ASCC1: variants seen among roughly 807,000 people sequenced by gnomAD.
The protein encoded by ASCC1 is ASC-1 complex subunit P50.
In ASCC1, 35 loss-of-function variants were observed where a neutral mutation model predicts 46.6. That is an observed-to-expected ratio of 0.75 (90% CI 0.57 to 0.99). The LOEUF is 0.99. Among genes scored for constraint, ASCC1 ranks in the 50% least tolerant of loss-of-function variants. The pLI is 0.00. For missense variants in ASCC1, 376 were observed against 428.7 expected (o/e 0.88, Z 1.09); for synonymous variants, 143 against 146.6 (o/e 0.98, Z 0.18).
At chr10:72,172,773 ATT>A (rs71482507) in intron 5 of ASCC1, among the ~76,000 whole-genome samples, 4 of 132,694 alleles carry the variant, frequency 3.0e-5, no homozygotes, top group South Asian at 2.2e-4. Flanking sequence ...TATATATTAT[ATT>A]TTTTATATTA....
At chr10:72,135,377 G>C (rs962371584) in intron 7 of ASCC1, among the ~76,000 whole-genome samples, 1 of 152,196 alleles carries the variant, frequency 6.6e-6, no homozygotes, top group Non-Finnish European at 1.5e-5. Flanking sequence ...ATGTTAAGTA[G>C]AGTGATCAGG....
intron 9 of ASCC1, among the ~76,000 whole-genome samples, chr10:72,118,609 G>A (rs147154239): frequency 6.6e-5 from 10 of 151,086 alleles, no homozygotes; most frequent in East Asian, 6.0e-4. Flanking sequence ...GTGAAACCCC[G>A]TCTCTACTAA....
At chr10:72,191,465 T>C (rs1248781551) in intron 5 of ASCC1, among the ~76,000 whole-genome samples, 1 of 151,708 alleles carries the variant, frequency 6.6e-6, no homozygotes, top group Non-Finnish European at 1.5e-5. Context: ...GTATAATAGG[T>C]TTAAAATAAA....
chr10:72,164,147 G>T (rs12260679), intron 5 of ASCC1, among the ~76,000 whole-genome samples: 4,311 of 151,946 alleles, frequency 0.028, 236 homozygotes, highest in African/African-American at 0.098. Flanking sequence ...ATTTTTTGTA[G>T]ACAGGGTTTT....
At chr10:72,130,863 G>A (rs181673939) in intron 8 of ASCC1, among the ~76,000 whole-genome samples, 33 of 152,192 alleles carry the variant, frequency 2.2e-4, no homozygotes, top group African/African-American at 7.0e-4. Context: ...ATCACAGACC[G>A]TTTTCTTAAT....
chr10:72,204,434 G>A, intron 3 of ASCC1: 1 of 1,550,364 alleles, frequency 6.5e-7, no homozygotes. Context: ...GGACTTCCAA[G>A]TATAAATATT....
At chr10:72,157,084 G>T (rs1849070894) in intron 6 of ASCC1, among the ~76,000 whole-genome samples, 1 of 152,164 alleles carries the variant, frequency 6.6e-6, no homozygotes, top group African/African-American at 2.4e-5. Flanking sequence ...TTGGGTTACA[G>T]GCATGAGCCA....
chr10:72,169,937 T>C (rs1204010068), intron 5 of ASCC1, among the ~76,000 whole-genome samples: 1 of 152,104 alleles, frequency 6.6e-6, no homozygotes, highest in Non-Finnish European at 1.5e-5. Flanking sequence ...CTGGCCAACA[T>C]GGTGAAACCC....
At chr10:72,164,618 A>G (rs1185762107) in intron 5 of ASCC1, among the ~76,000 whole-genome samples, 1 of 152,242 alleles carries the variant, frequency 6.6e-6, no homozygotes. Flanking sequence ...CTGTGTTAAC[A>G]TATGTTTTCA....
intron 7 of ASCC1, among the ~76,000 whole-genome samples, chr10:72,138,138 T>C (rs1305147172): frequency 5.3e-5 from 8 of 152,364 alleles, no homozygotes; most frequent in African/African-American, 1.2e-4. Flanking sequence ...GTGTTGGGAT[T>C]ACAGGCGTGA....
chr10:72,201,721 T>C (rs1317572455), intron 4 of ASCC1, among the ~76,000 whole-genome samples: 1 of 152,062 alleles, frequency 6.6e-6, no homozygotes, highest in Non-Finnish European at 1.5e-5. Flanking sequence ...GCAGATCGCT[T>C]GAGCTCAGGA....
chr10:72,186,889 G>C (rs1853530065), intron 5 of ASCC1, among the ~76,000 whole-genome samples: 2 of 139,734 alleles, frequency 1.4e-5, no homozygotes, highest in South Asian at 4.5e-4. Flanking sequence ...TTCCCTGTCA[G>C]CCATGTCAGC....
chr10:72,208,448 T>G (rs1857536914), intron 3 of ASCC1, among the ~76,000 whole-genome samples: 1 of 152,112 alleles, frequency 6.6e-6, no homozygotes, highest in Non-Finnish European at 1.5e-5. Flanking sequence ...TTCAGAATGC[T>G]ATCAAGGTGG....
intron 5 of ASCC1, among the ~76,000 whole-genome samples, chr10:72,192,776 G>A (rs937756323): frequency 6.6e-6 from 1 of 152,216 alleles, no homozygotes; most frequent in Non-Finnish European, 1.5e-5. Context: ...TCACAGGCAT[G>A]GGGCACTGCC....
At chr10:72,128,716 C>CA (rs1262154779) in intron 8 of ASCC1, among the ~76,000 whole-genome samples, 2 of 152,186 alleles carry the variant, frequency 1.3e-5, no homozygotes, top group African/African-American at 4.8e-5. Flanking sequence ...TGCAGCAAAT[C>CA]TATGACCTTA....
At chr10:72,176,924 C>A (rs1476620521) in intron 5 of ASCC1, among the ~76,000 whole-genome samples, 1 of 151,916 alleles carries the variant, frequency 6.6e-6, no homozygotes, top group East Asian at 1.9e-4. Context: ...CTTATCAAGC[C>A]TTCTGCAACC....
At chr10:72,104,603 T>C (rs1842141792) in intron 9 of ASCC1, among the ~76,000 whole-genome samples, 1 of 152,170 alleles carries the variant, frequency 6.6e-6, no homozygotes, top group Non-Finnish European at 1.5e-5. Context: ...CTGAATCATG[T>C]TGAATTTTTT....
rs1233992708 is a variant in ASCC1, at chr10:72,096,745, C to T, written c.*589G>A. On this transcript the variant is annotated 3_prime_UTR_variant, in exon 10 of 10. Coordinates refer to ENST00000672957, the MANE Select transcript of ASCC1 (RefSeq NM_001198800.3). ...TATATGTATAATACAGGAAGGAAAT[C>T]CTGTCACCTGACACAACATGGATGA... is the stretch of plus-strand genomic sequence containing the variant. 1 of 454,104 alleles carries T rather than the reference C, an allele frequency of 2.2e-6. No individual in the cohort carries two copies. The highest frequency in any genetic ancestry group is 2.3e-5 in the Admixed American group (1 of 42,576). The allele number at this position is 454,104 out of a possible 1,614,324, so 28.1% of individuals were successfully genotyped here.
intron 3 of ASCC1, among the ~76,000 whole-genome samples, chr10:72,205,611 CA>C (rs1857091742): frequency 7.7e-6 from 1 of 129,066 alleles, no homozygotes; most frequent in Admixed American, 8.6e-5. Flanking sequence ...GCCTGGGTGA[CA>C]AGAGTGAAAC....
Sources: gnomAD v4.1 joint callset for allele counts (sites outside exome capture counted in the v4.1 genomes callset) on GRCh38, gnomAD v4.1.1 for gene constraint, MANE v1.5 for transcripts, NCBI Gene and HGNC (gene_info 2026-07-23, HGNC 2026-07-21) for gene names.